Variants in DTD1 observed in about 807,000 individuals in gnomAD.
The protein encoded by DTD1 is D-aminoacyl-tRNA deacylase 1.
DTD1 carries 13 observed loss-of-function variants against 25.6 expected under a neutral mutation model. The observed-to-expected ratio is 0.51, with a 90% confidence interval of 0.33 to 0.81. The LOEUF is 0.81. DTD1 is among the 30% of genes least tolerant of loss of function. DTD1 has a pLI of 0.02. For missense variants in DTD1, 193 were observed against 266.4 expected (o/e 0.72, Z 1.92); for synonymous variants, 110 against 103.6 (o/e 1.06, Z -0.37).
chr20:18,755,633 G>A (rs1408510430), intron 5 of DTD1, among the ~76,000 whole-genome samples: 3 of 152,206 alleles, frequency 2.0e-5, no homozygotes, highest in African/African-American at 7.2e-5. Context: ...GTATTCCATG[G>A]TGTATATGTG....
At chr20:18,721,955 G>C (rs969994510) in intron 4 of DTD1, among the ~76,000 whole-genome samples, 3 of 152,112 alleles carry the variant, frequency 2.0e-5, no homozygotes, top group African/African-American at 7.2e-5. Flanking sequence ...TCTTCAGGCC[G>C]CTCCCCAGAA....
In DTD1 at chr20:18,633,643, G is replaced by A. The variant is rs186060039; in HGVS notation, c.477+5410G>A. ...TTGTCACTGCTGTTGCCTCTCAGCC[G>A]AGTGGGCCTCCCAGGGGACCGGAGG... is the stretch of plus-strand genomic sequence containing the variant. On this transcript the variant is annotated intron_variant, in intron 4 of 5. Coordinates refer to ENST00000377452, the MANE Select transcript of DTD1 (RefSeq NM_080820.6). Among the ~76,000 whole-genome samples, 9 of 152,350 alleles carry A rather than the reference G, an allele frequency of 5.9e-5. No individual in the cohort carries two copies. In the South Asian group the frequency reaches 8.3e-4, roughly 14 times the overall value.
chr20:18,647,453 G>T (rs189471702), intron 4 of DTD1, among the ~76,000 whole-genome samples: 1 of 152,282 alleles, frequency 6.6e-6, no homozygotes, highest in South Asian at 2.1e-4. Flanking sequence ...GGGCTTGGTC[G>T]TCAGAATAGG....
Position 18,601,130 on chromosome 20 carries a change from G to A in DTD1, c.370+4889G>A, listed in dbSNP as rs189788920. ...CCTTGGCTTATTTCTGCTCTTAGTG[G>A]GAAAGCTTCTAGTTTCCCACTGTTA... is the stretch of plus-strand genomic sequence containing the variant. On this transcript the variant is annotated intron_variant, in intron 3 of 5. Transcript: ENST00000377452. Among the ~76,000 whole-genome samples, 371 of 149,756 alleles carry A rather than the reference G, an allele frequency of 2.5e-3. 7 individuals carry two copies. Among genetic ancestry groups the A allele is most frequent in the Admixed American group, 0.02 (304 of 15,024 alleles).
chr20:18,691,615 G>A (rs1029612227), intron 4 of DTD1, among the ~76,000 whole-genome samples: 2 of 152,128 alleles, frequency 1.3e-5, no homozygotes, highest in Non-Finnish European at 2.9e-5. Flanking sequence ...TACTAGAGCG[G>A]GAAAGGAGGG....
chr20:18,675,568 C>T (rs2060967198), intron 4 of DTD1: 1 of 151,892 alleles, frequency 6.6e-6, no homozygotes, highest in Admixed American at 6.6e-5. Flanking sequence ...CTCGGGGAAG[C>T]ATTTTCTTCA....
chr20:18,669,309 A>T (rs1463651301), intron 4 of DTD1, among the ~76,000 whole-genome samples: 1 of 152,116 alleles, frequency 6.6e-6, no homozygotes, highest in South Asian at 2.1e-4. Flanking sequence ...TCTGCCCTTG[A>T]TGCTGCCTGA....
At position 18,708,169 on chromosome 20, in the gene DTD1, GTGTATATATATATTTTATATATATAT is replaced by G. The variant is rs2061134157; in HGVS notation, c.478-35929_478-35904del. Among the ~76,000 whole-genome samples the G allele has an allele frequency of 5.7e-5, 6 of 105,660 alleles. 1 individual carries two copies. Among genetic ancestry groups the G allele is most frequent in the African/African-American group, 2.3e-4 (6 of 26,300 alleles). The allele number at this position is 105,660 out of a possible 152,430, so 69.3% of individuals were successfully genotyped here. On this transcript the variant is annotated intron_variant, in intron 4 of 5. Coordinates refer to ENST00000377452, the MANE Select transcript of DTD1 (RefSeq NM_080820.6). Reference sequence around the variant, plus strand: ...GCTAATTATTAACATGTGTGTGTGTGTGTATATATATATTTTATATATATATTATATATATATTTTATATATATAAT... The same window carrying G: ...GCTAATTATTAACATGTGTGTGTGTGTATATATATATTTTATATATATAAT...
At chr20:18,628,628 G>GC (rs1471490796) in intron 4 of DTD1, among the ~76,000 whole-genome samples, 1 of 152,132 alleles carries the variant, frequency 6.6e-6, no homozygotes, top group African/African-American at 2.4e-5. Context: ...GGATAGATGT[G>GC]CCCCCCAAGG....
At chr20:18,710,108 G>A (rs927678421) in intron 4 of DTD1, among the ~76,000 whole-genome samples, 1 of 152,126 alleles carries the variant, frequency 6.6e-6, no homozygotes, top group African/African-American at 2.4e-5. Context: ...GGGACAAGAG[G>A]TATAAACTTT....
At chr20:18,622,806 A>T (rs759366531) in intron 3 of DTD1, among the ~76,000 whole-genome samples, 1 of 152,036 alleles carries the variant, frequency 6.6e-6, no homozygotes, top group Non-Finnish European at 1.5e-5. Flanking sequence ...CTTGTTAGTG[A>T]TCTCTTTGGG....
chr20:18,729,044 C>G (rs541741217), intron 4 of DTD1, among the ~76,000 whole-genome samples: 103 of 152,362 alleles, frequency 6.8e-4, no homozygotes, highest in Non-Finnish European at 1.3e-3. Flanking sequence ...CACTCTGTTG[C>G]CCAGGCTAGA....
intron 4 of DTD1, among the ~76,000 whole-genome samples, chr20:18,685,262 C>G (rs2061012075): frequency 6.6e-6 from 1 of 152,192 alleles, no homozygotes. Context: ...GCTCACAAGA[C>G]ACAGCCAACC....
chr20:18,708,284 A>ATATT (rs1555801980), intron 4 of DTD1, among the ~76,000 whole-genome samples: 15 of 20,334 alleles, frequency 7.4e-4, no homozygotes, highest in African/African-American at 1.6e-3. Flanking sequence ...TATAATATAT[A>ATATT]TTATATATAT....
chr20:18,725,282 T>C (rs2061219156), intron 4 of DTD1, among the ~76,000 whole-genome samples: 1 of 152,216 alleles, frequency 6.6e-6, no homozygotes, highest in Non-Finnish European at 1.5e-5. Flanking sequence ...ATGGCAGTAG[T>C]AACTGGAGTG....
At chr20:18,602,806 GC>G (rs1247764592) in intron 3 of DTD1, among the ~76,000 whole-genome samples, 1 of 91,042 alleles carries the variant, frequency 1.1e-5, no homozygotes, top group Non-Finnish European at 2.4e-5. Flanking sequence ...ACTGGTACCA[GC>G]CGCTGCAAAA....
chr20:18,626,875 C>T (rs775017230), intron 3 of DTD1, among the ~76,000 whole-genome samples: 41 of 152,220 alleles, frequency 2.7e-4, no homozygotes, highest in Non-Finnish European at 4.3e-4. Context: ...TTCCTGTCCT[C>T]TTGAGCCTGC....
intron 4 of DTD1, among the ~76,000 whole-genome samples, chr20:18,666,419 T>C (rs1334906985): frequency 3.9e-5 from 6 of 152,224 alleles, no homozygotes; most frequent in Non-Finnish European, 8.8e-5. Flanking sequence ...CTTAAAGGGG[T>C]TGAGAGGATT....
At chr20:18,714,286 A>G (rs1001383989) in intron 4 of DTD1, among the ~76,000 whole-genome samples, 2 of 152,094 alleles carry the variant, frequency 1.3e-5, no homozygotes, top group Admixed American at 6.5e-5. Flanking sequence ...CCCATTCCCA[A>G]CCACTTGTGT....
Sources: allele counts gnomAD v4.1 joint callset (sites outside exome capture counted in the v4.1 genomes callset), GRCh38; gene constraint gnomAD v4.1.1; transcripts MANE v1.5; gene names NCBI Gene and HGNC (gene_info 2026-07-23, HGNC 2026-07-21).